Variants in CCDC18 observed in about 807,000 individuals in gnomAD.
The protein encoded by CCDC18 is coiled-coil domain-containing protein 18.
In CCDC18, 157 loss-of-function variants were observed where a neutral mutation model predicts 196.0. The ratio of observed to expected loss-of-function variants is 0.80; its 90% CI spans 0.70 to 0.91. The LOEUF is 0.91. Ranked by LOEUF, CCDC18 falls within the 40% of genes least tolerant of loss-of-function variation. The pLI, the probability that CCDC18 is intolerant of heterozygous loss-of-function variation, is 0.00. For missense variants in CCDC18, 1,465 were observed against 1,611.6 expected (o/e 0.91, Z 1.56); for synonymous variants, 482 against 529.2 (o/e 0.91, Z 1.22).
chr1:93,276,803 C>T (rs1438388155), intron 28 of CCDC18, among the ~76,000 whole-genome samples: 28 of 151,896 alleles, frequency 1.8e-4, no homozygotes, highest in Admixed American at 1.8e-3. Context: ...GTTGCCCCTA[C>T]ACACCTGTGG....
chr1:93,270,893 T>C, intron 28 of CCDC18, 79 bp downstream of exon 28: 4 of 1,385,642 alleles, frequency 2.9e-6, no homozygotes, highest in Non-Finnish European at 3.8e-6. Context: ...AAAATTCATA[T>C]ATTTAAATGA....
At chr1:93,179,945 C>G (rs1358604265), upstream of CCDC18, 37 of 1,239,864 alleles carry the variant, frequency 3.0e-5, no homozygotes, top group Non-Finnish European at 4.1e-5. Context: ...GAACGGCCCT[C>G]GCCTCTTCAC....
At chr1:93,275,553 A>G (rs1197127730) in intron 28 of CCDC18, among the ~76,000 whole-genome samples, 1 of 152,212 alleles carries the variant, frequency 6.6e-6, no homozygotes, top group African/African-American at 2.4e-5. Flanking sequence ...TAAACCAAAT[A>G]AATTATTATT....
chr1:93,224,033 C>T (rs768329122), intron 16 of CCDC18, among the ~76,000 whole-genome samples: 1 of 151,758 alleles, frequency 6.6e-6, no homozygotes, highest in Non-Finnish European at 1.5e-5. Flanking sequence ...AATAGAGTAG[C>T]GGATGTTTTG....
chr1:93,255,040 C>T (rs12031765), intron 24 of CCDC18, among the ~76,000 whole-genome samples: 27,597 of 134,830 alleles, frequency 0.2, 2,830 homozygotes, highest in East Asian at 0.34. Context: ...GCAACCTCTG[C>T]TTTCCGGGTT....
intron 3 of CCDC18, among the ~76,000 whole-genome samples, chr1:93,185,755 A>C (rs755072252): frequency 1.9e-4 from 29 of 151,988 alleles, no homozygotes; most frequent in Non-Finnish European, 3.5e-4. Context: ...TTCTGTGTAT[A>C]CTTTTTCTTT....
At chr1:93,245,039 G>T (rs1661309522) in intron 21 of CCDC18, among the ~76,000 whole-genome samples, 1 of 152,092 alleles carries the variant, frequency 6.6e-6, no homozygotes, top group Non-Finnish European at 1.5e-5. Context: ...TTCTTACTTA[G>T]GTGTCTGTCT....
At chr1:93,190,138 T>G (rs1161119048) in intron 4 of CCDC18, among the ~76,000 whole-genome samples, 1 of 152,244 alleles carries the variant, frequency 6.6e-6, no homozygotes, top group Admixed American at 6.5e-5. Flanking sequence ...TTAATGATTT[T>G]TTTTTCATGT....
intron 27 of CCDC18, among the ~76,000 whole-genome samples, chr1:93,267,556 C>A (rs1262538481): frequency 1.3e-5 from 2 of 152,122 alleles, no homozygotes; most frequent in Non-Finnish European, 2.9e-5. Flanking sequence ...TCATCTCAGC[C>A]CCAAATCTCC....
chr1:93,234,000 TTTC>T (rs936464394), intron 18 of CCDC18, among the ~76,000 whole-genome samples: 2 of 152,116 alleles, frequency 1.3e-5, no homozygotes, highest in East Asian at 1.9e-4. Context: ...TCCTGAAGCA[TTTC>T]TTCTTCTCAT....
intron 7 of CCDC18, among the ~76,000 whole-genome samples, chr1:93,202,705 A>G (rs560635420): frequency 6.6e-6 from 1 of 152,302 alleles, no homozygotes; most frequent in East Asian, 1.9e-4. Flanking sequence ...TTATTAAACA[A>G]TCATGAAATT....
chr1:93,266,074 T>C (rs537621741), intron 27 of CCDC18, among the ~76,000 whole-genome samples: 8 of 152,254 alleles, frequency 5.3e-5, no homozygotes, highest in East Asian at 3.9e-4. Flanking sequence ...TGTAAAAGAA[T>C]AGAAATCACC....
At chr1:93,180,476 C>G, upstream of CCDC18, 1 of 1,496,702 alleles carries the variant, frequency 6.7e-7, no homozygotes, top group Non-Finnish European at 9.0e-7. Flanking sequence ...GTCTCGGCCC[C>G]CTCAGGCCAG....
intron 4 of CCDC18, among the ~76,000 whole-genome samples, chr1:93,189,866 C>T (rs1651416505): frequency 6.6e-6 from 1 of 151,946 alleles, no homozygotes; most frequent in African/African-American, 2.4e-5. Flanking sequence ...GGAGTTTTGC[C>T]ATGTTGCCCA....
chr1:93,276,179 T>A lies in CCDC18; in HGVS notation c.4354-2284T>A, dbSNP rs75773781. Among the ~76,000 whole-genome samples the A allele has an allele frequency of 8.3e-3, 1,264 of 152,338 alleles. 17 individuals are homozygous for A. The highest frequency in any genetic ancestry group is 0.028 in the African/African-American group (1,183 of 41,568). The stretch of plus-strand genomic sequence containing the variant: ...TGAAAAGAATGTGGAAACCGATACA[T>A]GAGAAGTGTTTAATAAGTGTTAGCT... On this transcript the variant is annotated intron_variant, in intron 28 of 28. Coordinates refer to ENST00000690025, the MANE Select transcript of CCDC18 (RefSeq NM_001378204.1).
intron 18 of CCDC18, among the ~76,000 whole-genome samples, chr1:93,234,985 T>TGTGGC (rs1659869330): frequency 1.6e-5 from 2 of 122,618 alleles, no homozygotes; most frequent in African/African-American, 6.4e-5. Flanking sequence ...CTTTTCTTTT[T>TGTGGC]TTTTCTTTTT....
In CCDC18 at chr1:93,270,689, A is replaced by G. The variant is rs1466186005; in HGVS notation, c.4228A>G (p.Asn1410Asp). The G allele has an allele frequency of 6.5e-7, 1 of 1,550,354 alleles. No individual in the cohort carries two copies. Among genetic ancestry groups the G allele is most frequent in the Admixed American group, 2.0e-5 (1 of 50,996 alleles). Residue 1410 changes from asparagine (N) to aspartate (D), a missense_variant, in exon 28 of 29, where the codon AAC (asparagine) becomes GAC (aspartate). By Grantham distance (23) the Asn-to-Asp change is conservative. Coordinates refer to ENST00000690025, the MANE Select transcript of CCDC18 (RefSeq NM_001378204.1). ...QPDSFKPLTY[N>D]LEADSSENND... Reference sequence around the variant, plus strand: ...AGACTCATTTAAACCTCTCACATATAACCTAGAAGCTGATAGTTCTGAGAA... The same window carrying G: ...AGACTCATTTAAACCTCTCACATATGACCTAGAAGCTGATAGTTCTGAGAA...
intron 23 of CCDC18, among the ~76,000 whole-genome samples, chr1:93,249,765 T>A (rs1289247141): frequency 6.6e-6 from 1 of 152,230 alleles, no homozygotes; most frequent in Non-Finnish European, 1.5e-5. Context: ...TTCAGTAATA[T>A]GTCCAATAAT....
At chr1:93,222,745 A>G (rs1435939708) in intron 16 of CCDC18, among the ~76,000 whole-genome samples, 1 of 152,216 alleles carries the variant, frequency 6.6e-6, no homozygotes, top group South Asian at 2.1e-4. Flanking sequence ...GAAACAGGGT[A>G]TATAAAGTGC....
Sources: allele counts gnomAD v4.1 joint callset (sites outside exome capture counted in the v4.1 genomes callset), GRCh38; gene constraint gnomAD v4.1.1; transcripts MANE v1.5; gene names NCBI Gene and HGNC (gene_info 2026-07-23, HGNC 2026-07-21).